The following ALMS1 variants were observed in gnomAD, a reference collection of about 807,000 sequenced individuals.
ALMS1 encodes ALMS1 centrosome and basal body associated protein, also known as centrosome-associated protein ALMS1.
ALMS1 carries 271 observed loss-of-function variants against 352.2 expected under a neutral mutation model. The ratio of observed to expected loss-of-function variants is 0.77; its 90% confidence interval spans 0.70 to 0.85. The LOEUF (loss-of-function observed/expected upper bound fraction) is 0.85. Ranked by LOEUF, ALMS1 falls within the 40% of genes least tolerant of loss-of-function variation. The probability of loss-of-function intolerance (pLI) is 0.00; values close to 1 mark genes in which losing one functional copy is unlikely to be tolerated. For synonymous variants in ALMS1, 1,865 were observed against 1,761.2 expected (o/e 1.06, Z -1.48); for missense variants, 5,445 against 4,870.7 (o/e 1.12, Z -3.51).
At chr2:73,517,469 A>G (rs1012319333) in intron 10 of ALMS1, among the ~76,000 whole-genome samples, 1 of 151,536 alleles carries the variant, frequency 6.6e-6, no homozygotes, top group African/African-American at 2.4e-5. Context: ...GGTGACCTCT[A>G]ACTCCTTGGC....
chr2:73,528,016 T>C (rs543823861), intron 11 of ALMS1, among the ~76,000 whole-genome samples: 10 of 152,310 alleles, frequency 6.6e-5, no homozygotes, highest in African/African-American at 2.2e-4. Flanking sequence ...CCACTGGTCA[T>C]TCAGAAACAT....
intron 16 of ALMS1, among the ~76,000 whole-genome samples, chr2:73,574,771 T>C (rs1171908876): frequency 6.6e-6 from 1 of 152,158 alleles, no homozygotes; most frequent in Non-Finnish European, 1.5e-5. Flanking sequence ...AAAATACACA[T>C]GACATAAAGT....
intron 1 of ALMS1, among the ~76,000 whole-genome samples, chr2:73,391,654 G>T (rs1001867153): frequency 1.3e-5 from 2 of 152,072 alleles, no homozygotes; most frequent in Non-Finnish European, 2.9e-5. Flanking sequence ...AAACTATTTA[G>T]TCGTAGTGTG....
At chr2:73,445,030 A>G (rs183463974) in intron 7 of ALMS1, among the ~76,000 whole-genome samples, 41 of 106,066 alleles carry the variant, frequency 3.9e-4, no homozygotes, top group South Asian at 1.2e-3. Flanking sequence ...TTAAAAAAAC[A>G]TGAATTTGAG....
At chr2:73,468,180 T>G (rs1475074424) in intron 9 of ALMS1, among the ~76,000 whole-genome samples, 1 of 151,940 alleles carries the variant, frequency 6.6e-6, no homozygotes, top group Non-Finnish European at 1.5e-5. Context: ...AGCAAAAACT[T>G]TATAAAAAGC....
chr2:73,412,858 T>C (rs1653094424), intron 2 of ALMS1, among the ~76,000 whole-genome samples: 1 of 152,148 alleles, frequency 6.6e-6, no homozygotes, highest in Non-Finnish European at 1.5e-5. Context: ...GGTAATTGTA[T>C]GTTTAACTTT....
chr2:73,577,514 A>G (rs1675079275), intron 16 of ALMS1, among the ~76,000 whole-genome samples: 1 of 150,928 alleles, frequency 6.6e-6, no homozygotes, highest in Non-Finnish European at 1.5e-5. Flanking sequence ...TAGGTTATTC[A>G]TTTGGGATTA....
chr2:73,409,123 G>A (rs956259551), intron 2 of ALMS1, among the ~76,000 whole-genome samples: 1 of 151,812 alleles, frequency 6.6e-6, no homozygotes, highest in Non-Finnish European at 1.5e-5. Flanking sequence ...ATGATCCTTC[G>A]CCTTGGCCTC....
intron 16 of ALMS1, among the ~76,000 whole-genome samples, chr2:73,594,834 T>G (rs1675511946): frequency 6.6e-6 from 1 of 152,214 alleles, no homozygotes; most frequent in African/African-American, 2.4e-5. Flanking sequence ...CCACATGGGC[T>G]GTGGTATCTA....
chr2:73,475,655 C>T (rs979587184), intron 9 of ALMS1, among the ~76,000 whole-genome samples: 3 of 151,958 alleles, frequency 2.0e-5, no homozygotes, highest in African/African-American at 7.2e-5. Flanking sequence ...TATTTTCTCC[C>T]ATTCTGTAGA....
chr2:73,510,985 G>A (rs1673439663), intron 10 of ALMS1, among the ~76,000 whole-genome samples: 1 of 152,212 alleles, frequency 6.6e-6, no homozygotes, highest in African/African-American at 2.4e-5. Flanking sequence ...TGTTTACACT[G>A]TGAGGGGAAA....
intron 15 of ALMS1, among the ~76,000 whole-genome samples, chr2:73,563,026 A>T (rs913013240): frequency 6.6e-6 from 1 of 151,920 alleles, no homozygotes; most frequent in Non-Finnish European, 1.5e-5. Flanking sequence ...ACAAAAACAA[A>T]AAATTGCCAT....
At position 73,450,131 on chromosome 2, in the gene ALMS1, T is replaced by C. The variant is rs766931841; in HGVS notation, c.3604T>C (p.Tyr1202His). The change falls in exon 8 of 23, where the codon TAT becomes CAT. Residue 1202 changes from tyrosine (Y) to histidine (H), a missense_variant. Coordinates refer to ENST00000613296, the MANE Select transcript of ALMS1 (RefSeq NM_001378454.1). ...ACAAAGAGAGAAACCTGGTATTTTCTATCAACAGACCTTGCCAGGTAGTCA... is the reference window on the plus strand; with the variant it reads ...ACAAAGAGAGAAACCTGGTATTTTCCATCAACAGACCTTGCCAGGTAGTCA... ...YSQREKPGIFYQQTLPGSHIP... is the reference protein window; with the variant it reads ...YSQREKPGIFHQQTLPGSHIP... 6.8e-6 allele frequency: 11 copies of C among 1,614,068 alleles called. No homozygotes were observed. In the South Asian group the frequency reaches 8.8e-5, roughly 13 times the overall value.
chr2:73,452,007 G>T lies in ALMS1; in HGVS notation c.5480G>T (p.Gly1827Val). The stretch of plus-strand genomic sequence containing the variant: ...GAGTTGCCGCATTTTACTGAAGCAG[G>T]TTTGAAAATTTTAAGAGTTCCTGGA... Reference protein sequence around the residue: ...QRELPHFTEAGLKILRVPGPA... With the variant: ...QRELPHFTEAVLKILRVPGPA... The change falls in exon 8 of 23, where the codon GGT becomes GTT. Residue 1827 changes from glycine (G) to valine (V), a missense_variant. By Grantham distance (109) the Gly-to-Val change is moderately radical (BLOSUM62 -3). Coordinates refer to ENST00000613296, the MANE Select transcript of ALMS1 (RefSeq NM_001378454.1). The T allele has an allele frequency of 6.2e-7, 1 of 1,612,536 alleles. No individual in the cohort carries two copies. The highest frequency in any genetic ancestry group is 8.5e-7 in the Non-Finnish European group (1 of 1,179,440).
intron 16 of ALMS1, among the ~76,000 whole-genome samples, chr2:73,592,629 G>A (rs1675456687): frequency 6.6e-6 from 1 of 152,214 alleles, no homozygotes; most frequent in African/African-American, 2.4e-5. Context: ...AAGGCCAGCA[G>A]TACCAATCCT....
At chr2:73,396,072 C>T (rs552174905) in intron 1 of ALMS1, among the ~76,000 whole-genome samples, 56 of 152,282 alleles carry the variant, frequency 3.7e-4, no homozygotes, top group African/African-American at 1.3e-3. Flanking sequence ...AGGGAGAAAG[C>T]ATCCTGTCTT....
chr2:73,441,079 G>A (rs1198166536), intron 7 of ALMS1, among the ~76,000 whole-genome samples: 2 of 152,142 alleles, frequency 1.3e-5, no homozygotes, highest in African/African-American at 4.8e-5. Context: ...ACAGAGTAGA[G>A]AACATTTCCC....
intron 16 of ALMS1, among the ~76,000 whole-genome samples, chr2:73,589,598 T>C (rs1201427519): frequency 6.6e-6 from 1 of 152,262 alleles, no homozygotes; most frequent in Non-Finnish European, 1.5e-5. Flanking sequence ...TCATCATATA[T>C]AAAAGGTGTA....
intron 9 of ALMS1, among the ~76,000 whole-genome samples, chr2:73,467,406 T>A (rs1041494507): frequency 6.6e-6 from 1 of 152,066 alleles, no homozygotes. Flanking sequence ...TTAACCATAA[T>A]GAGATACTGC....
Sources: allele counts gnomAD v4.1 joint callset (sites outside exome capture counted in the v4.1 genomes callset), GRCh38; gene constraint gnomAD v4.1.1; transcripts MANE v1.5; gene names NCBI Gene and HGNC (gene_info 2026-07-23, HGNC 2026-07-21).